The following H2BC18 variants were observed in gnomAD, a reference collection of about 807,000 sequenced individuals.
H2BC18 encodes the protein H2B clustered histone 18, also known as histone H2B type 2-F.
H2BC18 carries 8 observed loss-of-function variants against 6.3 expected under a neutral mutation model. The observed-to-expected ratio is 1.28, with a 90% CI of 0.75 to 2.31. The LOEUF (loss-of-function observed/expected upper bound fraction) is 2.31. Among genes scored for constraint, H2BC18 ranks in the 30% most tolerant of loss-of-function variants. The probability of loss-of-function intolerance (pLI) is 0.00; values close to 1 mark genes in which losing one functional copy is unlikely to be tolerated. For synonymous variants in H2BC18, 104 were observed against 78.1 expected, an observed-to-expected ratio of 1.33 and a Z score of -1.75; for missense variants, 106 against 174.5, an observed-to-expected ratio of 0.61 and a Z score of 2.21.
chr1:149,788,426 G>C (rs782064711), intron 1 of H2BC18: 6 of 1,613,712 alleles, frequency 3.7e-6, no homozygotes, highest in African/African-American at 1.3e-5. Context: ...CTGGCCTTGA[G>C]GTGTCATGCG....
intron 1 of H2BC18, chr1:149,793,222 C>G: frequency 3.2e-6 from 4 of 1,266,342 alleles, no homozygotes; most frequent in Non-Finnish European, 4.1e-6. Context: ...CTTGGCTTGT[C>G]GCAAGAGCAG....
chr1:149,789,883 T>C (rs2091657862), intron 1 of H2BC18, among the ~76,000 whole-genome samples: 1 of 152,182 alleles, frequency 6.6e-6, no homozygotes. Flanking sequence ...ACCCTAATTA[T>C]GTCTATTAGG....
chr1:149,783,490 T>A, intron 1 of H2BC18: 1 of 59,976 alleles, frequency 1.7e-5, no homozygotes, highest in Non-Finnish European at 2.8e-5. Flanking sequence ...ACTGAAGTAG[T>A]CTGCTGGGTT....
At chr1:149,811,796 A>G, downstream of H2BC18, 1 of 695,404 alleles carries the variant, frequency 1.4e-6, no homozygotes. Context: ...ACCCGAATGC[A>G]TCCGTGACCA....
intron 1 of H2BC18, chr1:149,788,286 T>C (rs1309326490): frequency 5.6e-6 from 9 of 1,609,646 alleles, no homozygotes; most frequent in Non-Finnish European, 7.6e-6. Context: ...GGAGAAAAAA[T>C]AGGAAGCCCA....
intron 1 of H2BC18, chr1:149,805,312 T>G (rs1300629749): frequency 6.6e-6 from 1 of 152,212 alleles, no homozygotes; most frequent in Non-Finnish European, 1.5e-5. Context: ...TCTTATAGTG[T>G]TCCATAAAGT....
At chr1:149,806,637 G>A (rs1462762649) in intron 1 of H2BC18, among the ~76,000 whole-genome samples, 8 of 151,982 alleles carry the variant, frequency 5.3e-5, no homozygotes, top group Non-Finnish European at 1.0e-4. Context: ...CAAGAAGTGA[G>A]GAAAGAAAAG....
downstream of H2BC18, chr1:149,810,910 G>A: frequency 6.6e-6 from 1 of 152,322 alleles, no homozygotes; most frequent in South Asian, 2.1e-4. Context: ...AGAAGCACCT[G>A]GAAGCAGGTT....
downstream of H2BC18, among the ~76,000 whole-genome samples, chr1:149,809,289 T>C (rs1310113945): frequency 8.3e-6 from 1 of 121,122 alleles, no homozygotes; most frequent in Non-Finnish European, 1.7e-5. Context: ...CACTCTAATC[T>C]CATCATTTTA....
downstream of H2BC18, chr1:149,810,944 A>G (rs1553754365): frequency 6.6e-6 from 1 of 152,226 alleles, no homozygotes; most frequent in African/African-American, 2.4e-5. Flanking sequence ...GGTGACTCTT[A>G]TAATTGGGAA....
At chr1:149,788,348 T>C (rs1553751064) in intron 1 of H2BC18, 4 of 1,612,128 alleles carry the variant, frequency 2.5e-6, no homozygotes, top group Non-Finnish European at 3.4e-6. Flanking sequence ...ACATACATTT[T>C]GGGTTCATAT....
At chr1:149,792,614 A>G in intron 1 of H2BC18, 1 of 1,227,080 alleles carries the variant, frequency 8.1e-7, no homozygotes, top group Non-Finnish European at 1.0e-6. Context: ...CCCTGGCGCC[A>G]CACTGTGGCC....
intron 1 of H2BC18, chr1:149,792,706 T>A (rs1912340): frequency 7.8e-7 from 1 of 1,277,452 alleles, no homozygotes; most frequent in East Asian, 5.7e-5. Context: ...CGAAAGCTGT[T>A]GGGCGCGCGC....
At chr1:149,799,895 C>CAGCA (rs1325465127) in intron 1 of H2BC18, among the ~76,000 whole-genome samples, 2 of 152,182 alleles carry the variant, frequency 1.3e-5, no homozygotes, top group African/African-American at 4.8e-5. Context: ...GTTCTCCATA[C>CAGCA]AGCAAGCAAG....
intron 1 of H2BC18, among the ~76,000 whole-genome samples, chr1:149,795,295 TAAATG>T (rs2091788081): frequency 6.8e-6 from 1 of 147,252 alleles, no homozygotes; most frequent in Non-Finnish European, 1.5e-5. Flanking sequence ...AATAAATAAA[TAAATG>T]ATTATTACCA....
downstream of H2BC18, among the ~76,000 whole-genome samples, chr1:149,807,369 G>GTA (rs1225274284): frequency 1.3e-5 from 2 of 151,960 alleles, no homozygotes; most frequent in Non-Finnish European, 2.9e-5. Flanking sequence ...GCATGCACCT[G>GTA]TAGTCCCAGC....
At position 149,784,148 on chromosome 1, in the gene H2BC18, G is replaced by T; in HGVS notation, c.378-888C>A. ...TCAATGGCACAGCCACTCAGACCTC[G>T]ACCCCCAGCTACAGAATCACCTCTG... On this transcript the variant is annotated intron_variant, in intron 1 of 1. Coordinates refer to the H2BC18 transcript ENST00000545683. 3.1e-6 allele frequency: 5 copies of T among 1,611,584 alleles called. No individual in the cohort carries two copies. In the South Asian group the frequency reaches 3.3e-5, roughly 11 times the overall value.
At chr1:149,793,256 G>T (rs1553752435) in intron 1 of H2BC18, 1 of 1,248,786 alleles carries the variant, frequency 8.0e-7, no homozygotes, top group Non-Finnish European at 1.0e-6. Context: ...CGGCAGGGAG[G>T]GAGCGGGTGG....
chr1:149,812,257 G>A lies in H2BC18; in HGVS notation c.67C>T (p.Gln23Ter), dbSNP rs587731521. ...KGSKKAVTKV[Q>*]KKDGKKRKRS... ...TTGCGCTTCTTGCCGTCCTTCTTCTGCACTTTCGTAACAGCCTTTTTGGAG... is the reference window on the plus strand; with the variant it reads ...TTGCGCTTCTTGCCGTCCTTCTTCTACACTTTCGTAACAGCCTTTTTGGAG... Residue 23 changes from glutamine to a stop codon, truncating the protein, a stop_gained, in exon 1 of 1, where the codon CAG (glutamine) becomes TAG (stop). Transcript: ENST00000369167. LOFTEE classifies it high-confidence loss of function. The A allele has an allele frequency of 1.9e-6, 3 of 1,614,256 alleles. No individual in the cohort carries two copies. The highest frequency in any genetic ancestry group is 1.3e-5 in the African/African-American group (1 of 75,064).
Sources: allele counts gnomAD v4.1 joint callset (sites outside exome capture counted in the v4.1 genomes callset), GRCh38; gene constraint gnomAD v4.1.1; transcripts MANE v1.5; gene names NCBI Gene and HGNC (gene_info 2026-07-23, HGNC 2026-07-21).